Variants in KITLG observed in about 807,000 individuals in gnomAD.
KITLG encodes c-Kit ligand.
KITLG carries 13 observed loss-of-function variants against 34.1 expected under a neutral mutation model. That is an observed-to-expected ratio of 0.38 (90% CI 0.25 to 0.61). The LOEUF (loss-of-function observed/expected upper bound fraction) is 0.61. Among genes scored for constraint, KITLG ranks in the 20% least tolerant of loss-of-function variants. The pLI, the probability that KITLG is intolerant of heterozygous loss-of-function variation, is 0.60. For missense variants in KITLG, 292 were observed against 318.9 expected, an observed-to-expected ratio of 0.92 and a Z score of 0.64; for synonymous variants, 110 against 104.0, an observed-to-expected ratio of 1.06 and a Z score of -0.35.
intron 2 of KITLG, among the ~76,000 whole-genome samples, chr12:88,537,427 G>A (rs1381124147): frequency 1.3e-5 from 2 of 151,900 alleles, no homozygotes; most frequent in African/African-American, 4.8e-5. Flanking sequence ...ACTAAACACT[G>A]CATACTCATG....
chr12:88,564,715 C>T (rs1469343818), intron 1 of KITLG, among the ~76,000 whole-genome samples: 1 of 141,788 alleles, frequency 7.1e-6, no homozygotes, highest in Admixed American at 7.7e-5. Flanking sequence ...TTCAGATCTA[C>T]ACCCAAAACC....
intron 9 of KITLG, among the ~76,000 whole-genome samples, chr12:88,503,055 C>G (rs1868924842): frequency 6.6e-6 from 1 of 152,056 alleles, no homozygotes; most frequent in African/African-American, 2.4e-5. Flanking sequence ...CATTATTTGA[C>G]AGGAAGAATG....
At chr12:88,534,744 C>T (rs780142259) in intron 2 of KITLG, 14 of 501,740 alleles carry the variant, frequency 2.8e-5, no homozygotes, top group Admixed American at 1.7e-4. Flanking sequence ...GCGTTAACTC[C>T]CTTATTCTTT....
At chr12:88,560,075 T>C (rs368085935) in intron 1 of KITLG, among the ~76,000 whole-genome samples, 2 of 152,254 alleles carry the variant, frequency 1.3e-5, no homozygotes, top group South Asian at 2.1e-4. Context: ...GAGCAAATTA[T>C]GTAACCTCTC....
At chr12:88,536,634 A>C (rs896172661) in intron 2 of KITLG, among the ~76,000 whole-genome samples, 2 of 152,238 alleles carry the variant, frequency 1.3e-5, no homozygotes, top group Admixed American at 1.3e-4. Context: ...GCACATATAC[A>C]GCATGGAATA....
At chr12:88,549,355 G>C (rs538393260) in intron 1 of KITLG, among the ~76,000 whole-genome samples, 4 of 152,280 alleles carry the variant, frequency 2.6e-5, no homozygotes, top group Admixed American at 1.3e-4. Flanking sequence ...ATAGACTTTA[G>C]GGTGACAACA....
Position 88,497,081 on chromosome 12 carries a change from G to A in KITLG, c.*138C>T, listed in dbSNP as rs1323418742. 2 of 413,322 alleles carry A rather than the reference G, an allele frequency of 4.8e-6. No homozygotes were observed. Among genetic ancestry groups the A allele is most frequent in the Non-Finnish European group, 9.6e-6 (2 of 207,908 alleles). The allele number at this position is 413,322 out of a possible 1,614,324, so 25.6% of individuals were successfully genotyped here. A position where few individuals can be genotyped will look rare whatever the true frequency, so the allele number is the denominator to read the frequency against. On this transcript the variant is annotated 3_prime_UTR_variant, in exon 10 of 10. Transcript: ENST00000644744. The stretch of plus-strand genomic sequence containing the variant: ...TTCTGAATCATCCATATAAAGTCAT[G>A]GGTAGCAAGAACAGATAAAGATGTG...
intron 2 of KITLG, among the ~76,000 whole-genome samples, chr12:88,537,197 C>T (rs955800554): frequency 6.6e-6 from 1 of 151,874 alleles, no homozygotes; most frequent in Non-Finnish European, 1.5e-5. Flanking sequence ...CAGTACTATT[C>T]GCAATAGAAA....
intron 1 of KITLG, among the ~76,000 whole-genome samples, chr12:88,572,572 TTATATA>T (rs574891605): frequency 7.4e-6 from 1 of 135,234 alleles, no homozygotes; most frequent in East Asian, 2.1e-4. Context: ...AATATGTACA[TTATATA>T]TATATTATAT....
At chr12:88,531,147 C>T (rs1020144832) in intron 3 of KITLG, among the ~76,000 whole-genome samples, 2 of 152,158 alleles carry the variant, frequency 1.3e-5, no homozygotes, top group African/African-American at 2.4e-5. Context: ...AGAAGCTTAA[C>T]ATAAAATTAT....
At chr12:88,538,688 T>C (rs1197628560) in intron 2 of KITLG, among the ~76,000 whole-genome samples, 1 of 152,014 alleles carries the variant, frequency 6.6e-6, no homozygotes, top group African/African-American at 2.4e-5. Context: ...GTATTCCCTA[T>C]TGGTAGGGTT....
At chr12:88,524,426 G>T (rs146613502) in intron 3 of KITLG, among the ~76,000 whole-genome samples, 1 of 152,070 alleles carries the variant, frequency 6.6e-6, no homozygotes, top group Non-Finnish European at 1.5e-5. Flanking sequence ...TGTATGAACT[G>T]TAATATGTTG....
intron 7 of KITLG, among the ~76,000 whole-genome samples, chr12:88,506,719 T>C (rs1455691333): frequency 6.6e-6 from 1 of 152,200 alleles, no homozygotes; most frequent in Non-Finnish European, 1.5e-5. Flanking sequence ...AAATCCAAAA[T>C]AGCAGATAAT....
chr12:88,566,134 A>G (rs1031090828), intron 1 of KITLG, among the ~76,000 whole-genome samples: 6 of 152,074 alleles, frequency 3.9e-5, no homozygotes, highest in Non-Finnish European at 4.4e-5. Flanking sequence ...TGGCTCATTT[A>G]TCATTTCTCT....
At position 88,505,163 on chromosome 12, in the gene KITLG, G is replaced by A. The variant is rs1869010387; in HGVS notation, c.*33C>T. 5 of 1,526,874 alleles carry A rather than the reference G, an allele frequency of 3.3e-6. No individual in the cohort carries two copies. The East Asian group carries it at 1.1e-4, about 34-fold the overall frequency. The allele number at this position is 1,526,874 out of a possible 1,614,324, so 94.6% of individuals were successfully genotyped here. On this transcript the variant is annotated 3_prime_UTR_variant, in exon 9 of 10. Coordinates refer to ENST00000644744, the MANE Select transcript of KITLG (RefSeq NM_000899.5). ...GGAAAGAAGAAAAAAACTTACCAAT[G>A]TACGAAAGTAACAGTGTTGATACAA...
intron 3 of KITLG, 40 bp downstream of exon 3, chr12:88,532,401 T>C (rs200265713): frequency 1.5e-5 from 21 of 1,401,190 alleles, no homozygotes; most frequent in African/African-American, 1.4e-4. Context: ...ATTTCTTCTA[T>C]GAGCTACTAA....
At chr12:88,548,077 C>A (rs899909757) in intron 1 of KITLG, among the ~76,000 whole-genome samples, 1 of 152,160 alleles carries the variant, frequency 6.6e-6, no homozygotes, top group Admixed American at 6.5e-5. Flanking sequence ...TTCAGAGTGA[C>A]AATCACAGTC....
At chr12:88,552,157 G>C (rs1030611879) in intron 1 of KITLG, among the ~76,000 whole-genome samples, 2 of 151,258 alleles carry the variant, frequency 1.3e-5, no homozygotes, top group Non-Finnish European at 2.9e-5. Flanking sequence ...TTGAACATTT[G>C]ATCTTCAAAA....
intron 2 of KITLG, among the ~76,000 whole-genome samples, chr12:88,544,779 A>T (rs958687120): frequency 6.6e-6 from 1 of 152,170 alleles, no homozygotes; most frequent in Non-Finnish European, 1.5e-5. Context: ...TCTGTTTTGA[A>T]GTTCTATTAT....
Sources: allele counts gnomAD v4.1 joint callset (sites outside exome capture counted in the v4.1 genomes callset), GRCh38; gene constraint gnomAD v4.1.1; transcripts MANE v1.5; gene names NCBI Gene and HGNC (gene_info 2026-07-23, HGNC 2026-07-21).